Variants in MBD5 observed in about 807,000 individuals in gnomAD.
MBD5 encodes methyl-CpG-binding domain protein 5.
In MBD5, 13 loss-of-function variants were observed where a neutral mutation model predicts 117.3. The ratio of observed to expected loss-of-function variants is 0.11; its 90% confidence interval spans 0.07 to 0.18. The LOEUF (loss-of-function observed/expected upper bound fraction) is 0.18. Ranked by LOEUF, MBD5 falls within the 10% of genes least tolerant of loss-of-function variation. The pLI, the probability that MBD5 is intolerant of heterozygous loss-of-function variation, is 1.00. For missense variants in MBD5, 1,879 were observed against 2,093.8 expected, an observed-to-expected ratio of 0.90 and a Z score of 2.00; for synonymous variants, 727 against 766.4, an observed-to-expected ratio of 0.95 and a Z score of 0.85.
chr2:148,099,898 C>A (rs1696162668), intron 1 of MBD5, among the ~76,000 whole-genome samples: 1 of 152,090 alleles, frequency 6.6e-6, no homozygotes, highest in East Asian at 1.9e-4. Flanking sequence ...AAATATTAAT[C>A]CAATTGATAT....
chr2:148,075,848 ATCTAT>A (rs1379652615), intron 1 of MBD5, among the ~76,000 whole-genome samples: 2 of 152,150 alleles, frequency 1.3e-5, no homozygotes, highest in Non-Finnish European at 2.9e-5. Flanking sequence ...TACCAGTAAG[ATCTAT>A]TCTCAGTATG....
intron 1 of MBD5, among the ~76,000 whole-genome samples, chr2:148,146,244 A>G (rs896093058): frequency 6.7e-6 from 1 of 148,336 alleles, no homozygotes; most frequent in Non-Finnish European, 1.5e-5. Flanking sequence ...CTTAGAAATT[A>G]TCTCTTTGTC....
At chr2:148,411,512 C>CTTTTTTTTTTTTTTTTT in intron 4 of MBD5, among the ~76,000 whole-genome samples, 1 of 97,450 alleles carries the variant, frequency 1.0e-5, no homozygotes, top group Non-Finnish European at 1.9e-5. Flanking sequence ...AGCATCTGTT[C>CTTTTTTTTTTTTTTTTT]TTTTTTTTTT....
At chr2:148,330,115 A>ACACACACACACACACACACT (rs148068244) in intron 3 of MBD5, among the ~76,000 whole-genome samples, 10,383 of 125,804 alleles carry the variant, frequency 0.083, 916 homozygotes, top group Non-Finnish European at 0.12. Flanking sequence ...ACACACACAC[A>ACACACACACACACACACACT]CACTCTACCT....
chr2:148,111,422 G>A (rs1696500876), intron 1 of MBD5, among the ~76,000 whole-genome samples: 1 of 152,246 alleles, frequency 6.6e-6, no homozygotes, highest in South Asian at 2.1e-4. Context: ...TGTTAGTGAT[G>A]TGAAAAACCA....
chr2:148,502,344 T>G, intron 11 of MBD5, 92 bp from the exon 12 acceptor site: 3 of 1,152,112 alleles, frequency 2.6e-6, no homozygotes, highest in Non-Finnish European at 3.9e-6. Context: ...TCCCCGCCAG[T>G]GCAGCACCTG....
rs138760217 is a variant in MBD5 at position 148,045,616 on chromosome 2, C to T, written c.-925+23932C>T. Among the ~76,000 whole-genome samples, 1,132 of 152,240 alleles carry T rather than the reference C, an allele frequency of 7.4e-3. 10 individuals carry two copies. Among genetic ancestry groups the T allele is most frequent in the African/African-American group, 0.026 (1,061 of 41,550 alleles). ...GTTTAGTAACTTGCTCGAGGTTATACAGAATGTGGCAGAACTAATATCTGA... is the reference window on the plus strand; with the variant it reads ...GTTTAGTAACTTGCTCGAGGTTATATAGAATGTGGCAGAACTAATATCTGA... On this transcript the variant is annotated intron_variant, in intron 1 of 13. Coordinates refer to ENST00000642680, the MANE Select transcript of MBD5 (RefSeq NM_001378120.1).
At chr2:148,153,353 C>T (rs1440771169) in intron 1 of MBD5, among the ~76,000 whole-genome samples, 1 of 152,002 alleles carries the variant, frequency 6.6e-6, no homozygotes, top group African/African-American at 2.4e-5. Context: ...ACTGACCTTT[C>T]TCTCTGGCTG....
intron 1 of MBD5, among the ~76,000 whole-genome samples, chr2:148,124,708 A>G (rs956320626): frequency 2.6e-5 from 4 of 152,188 alleles, no homozygotes; most frequent in Non-Finnish European, 5.9e-5. Context: ...TTACTTGCAT[A>G]TATGAGCATA....
intron 4 of MBD5, among the ~76,000 whole-genome samples, chr2:148,393,973 A>G (rs1704634796): frequency 6.6e-6 from 1 of 152,182 alleles, no homozygotes; most frequent in African/African-American, 2.4e-5. Context: ...GCTTATAACT[A>G]GGGTAGACAT....
At chr2:148,351,470 C>T (rs1159149882) in intron 4 of MBD5, among the ~76,000 whole-genome samples, 2 of 152,002 alleles carry the variant, frequency 1.3e-5, no homozygotes, top group Non-Finnish European at 2.9e-5. Flanking sequence ...AATAATATTC[C>T]ATTGTATGTA....
rs1416686220 is a variant in MBD5, at chr2:148,420,894, C to T, written c.-556-37309C>T. On this transcript the variant is annotated intron_variant, in intron 4 of 13. Coordinates refer to ENST00000642680, the MANE Select transcript of MBD5 (RefSeq NM_001378120.1). ...GGCACACACCACCACACCCAGCTAA[C>T]GTTTTTGTATTTTTGGTAGTGACAG... 3.3e-5 allele frequency among the ~76,000 whole-genome samples: 5 copies of T among 151,890 alleles called. No homozygotes were observed. In the East Asian group the frequency reaches 5.8e-4, roughly 18 times the overall value.
intron 4 of MBD5, among the ~76,000 whole-genome samples, chr2:148,436,611 A>G (rs1365921411): frequency 6.6e-6 from 1 of 152,092 alleles, no homozygotes; most frequent in Non-Finnish European, 1.5e-5. Context: ...ACCTCAGGTG[A>G]TCTGCCTGCC....
chr2:148,266,598 G>A (rs555110151), intron 3 of MBD5, among the ~76,000 whole-genome samples: 4 of 152,068 alleles, frequency 2.6e-5, no homozygotes, highest in Admixed American at 6.6e-5. Flanking sequence ...TATTATTTGC[G>A]CATGTTACTA....
intron 4 of MBD5, among the ~76,000 whole-genome samples, chr2:148,420,857 G>T (rs1440694699): frequency 5.3e-5 from 8 of 152,000 alleles, no homozygotes; most frequent in African/African-American, 9.7e-5. Context: ...CTCCCAAGTA[G>T]CTGTGACCAC....
At chr2:148,033,933 A>G (rs773453086) in intron 1 of MBD5, among the ~76,000 whole-genome samples, 6 of 152,214 alleles carry the variant, frequency 3.9e-5, no homozygotes, top group Non-Finnish European at 8.8e-5. Context: ...TTTCCATGCA[A>G]TATCTAGCAG....
chr2:148,059,068 A>T (rs921297935), intron 1 of MBD5, among the ~76,000 whole-genome samples: 1 of 152,148 alleles, frequency 6.6e-6, no homozygotes, highest in African/African-American at 2.4e-5. Flanking sequence ...GATGTTGCTG[A>T]TATTTTAGAG....
intron 2 of MBD5, among the ~76,000 whole-genome samples, chr2:148,208,128 T>A (rs1699331167): frequency 6.6e-6 from 1 of 152,194 alleles, no homozygotes; most frequent in African/African-American, 2.4e-5. Context: ...GAATTATTAT[T>A]AAGATTAGTT....
intron 4 of MBD5, among the ~76,000 whole-genome samples, chr2:148,427,328 A>T (rs1366486312): frequency 4.6e-5 from 7 of 152,172 alleles, no homozygotes; most frequent in Admixed American, 2.6e-4. Flanking sequence ...TTATAAATCA[A>T]GCTGCTATAA....
Sources: allele counts gnomAD v4.1 joint callset (sites outside exome capture counted in the v4.1 genomes callset), GRCh38; gene constraint gnomAD v4.1.1; transcripts MANE v1.5; gene names NCBI Gene and HGNC (gene_info 2026-07-23, HGNC 2026-07-21).